The following CELF2 variants were observed in gnomAD, a reference collection of about 807,000 sequenced individuals.
CELF2 encodes the protein CUGBP Elav-like family member 2, also known as CUG triplet repeat RNA-binding protein 2.
A neutral mutation model predicts 62.6 loss-of-function variants in CELF2; 8 were observed. The observed-to-expected ratio is 0.13, with a 90% confidence interval of 0.07 to 0.23. The LOEUF (loss-of-function observed/expected upper bound fraction) is 0.23, where lower values mean the gene tolerates loss of function less well. Among genes scored for constraint, CELF2 ranks in the 10% least tolerant of loss-of-function variants. The probability of loss-of-function intolerance (pLI) is 1.00; values close to 1 mark genes in which losing one functional copy is unlikely to be tolerated. For synonymous variants in CELF2, 258 were observed against 250.0 expected (o/e 1.03, Z -0.30); for missense variants, 333 against 671.0 (o/e 0.50, Z 5.56).
At chr10:10,497,142 G>A in the CELF2 span, among the ~76,000 whole-genome samples, 1 of 150,264 alleles carries the variant, frequency 6.7e-6, no homozygotes, top group South Asian at 2.1e-4. Flanking sequence ...CCGAGATCGC[G>A]CCACTGCACT....
chr10:10,959,536 A>T lies in CELF2; in HGVS notation c.89+39537A>T, dbSNP rs964941698. ...TCCATGCATTTTCCAAGGGAGAATG[A>T]TAAGGTTTCAACTGGGTGACTTGTC... On this transcript the variant is annotated intron_variant, in intron 2 of 13. Transcript: ENST00000636488. Among the ~76,000 whole-genome samples the T allele has an allele frequency of 2.6e-5, 4 of 152,220 alleles. No individual in the cohort carries two copies. The East Asian group carries it at 5.8e-4, about 22-fold the overall frequency.
In CELF2 at chr10:11,237,342, G is replaced by A. The variant is rs757746332; in HGVS notation, c.355-11811G>A. On this transcript the variant is annotated intron_variant, in intron 3 of 12. Transcript: ENST00000633077. This position sits in a 1 kb window ranked among gnomAD's most constrained non-coding sequence, Gnocchi z 4.0. ...CCCGGGGTTGATGTCCCCATAAGCC[G>A]TGGTCTCTGTCCAGCTTCTCAAGTT... 1.2e-4 allele frequency among the ~76,000 whole-genome samples: 18 copies of A among 152,186 alleles called. No individual in the cohort carries two copies. The highest frequency in any genetic ancestry group is 2.0e-4 in the Admixed American group (3 of 15,276).
chr10:11,136,919 C>T (rs1197889374), intron 1 of CELF2, among the ~76,000 whole-genome samples: 1 of 152,190 alleles, frequency 6.6e-6, no homozygotes, highest in Non-Finnish European at 1.5e-5. Flanking sequence ...ATTCTGCTGA[C>T]TTAATATTAT....
the CELF2 span, among the ~76,000 whole-genome samples, chr10:10,490,984 C>A: frequency 4.6e-5 from 7 of 152,308 alleles, no homozygotes; most frequent in East Asian, 1.4e-3. Context: ...GAAGTTTTCA[C>A]TTAATTGGTT....
the CELF2 span, among the ~76,000 whole-genome samples, chr10:10,735,957 A>C: frequency 6.6e-6 from 1 of 152,208 alleles, no homozygotes; most frequent in East Asian, 1.9e-4. Flanking sequence ...GCCAGTGAAC[A>C]CATGCTCAAT....
chr10:11,021,263 A>G (rs1190953319), intron 1 of CELF2, among the ~76,000 whole-genome samples: 1 of 152,248 alleles, frequency 6.6e-6, no homozygotes, highest in Non-Finnish European at 1.5e-5. Flanking sequence ...GAGTCTACCA[A>G]TAAATTAAAA....
chr10:11,110,807 A>T lies in CELF2; in HGVS notation c.75-54679A>T, dbSNP rs192157278. 6.6e-6 allele frequency among the ~76,000 whole-genome samples: 1 copy of T among 152,142 alleles called. No individual in the cohort carries two copies. The highest frequency in any genetic ancestry group is 1.5e-5 in the Non-Finnish European group (1 of 68,018). On this transcript the variant is annotated intron_variant, in intron 1 of 12. Coordinates refer to ENST00000633077, the MANE Select transcript of CELF2 (RefSeq NM_001326342.2). The surrounding 1 kb of genome is among the most constrained non-coding windows in gnomAD (Gnocchi z 4.0). ...AGTTTCTGCTTGTCAAGGAACTGCA[A>T]CCCTGACCTTAACCACCACCTCATT...
At chr10:10,954,944 C>A (rs1006395441) in intron 2 of CELF2, among the ~76,000 whole-genome samples, 1 of 152,180 alleles carries the variant, frequency 6.6e-6, no homozygotes, top group Admixed American at 6.5e-5. Context: ...AAAGATAAAT[C>A]ATAATCCACA....
Position 10,931,988 on chromosome 10 carries a change from A to T in CELF2, c.89+11989A>T, listed in dbSNP as rs1307846130. ...CATGAGTCTTATTCACTATCATGAGAACAGCATGGGAAAGACCTGCCCCCA... is the reference window on the plus strand; with the variant it reads ...CATGAGTCTTATTCACTATCATGAGTACAGCATGGGAAAGACCTGCCCCCA... On this transcript the variant is annotated intron_variant, in intron 2 of 13. Coordinates refer to the CELF2 transcript ENST00000636488. The surrounding 1 kb of genome is among the most constrained non-coding windows in gnomAD (Gnocchi z 6.1). Among the ~76,000 whole-genome samples the T allele has an allele frequency of 1.3e-5, 2 of 152,138 alleles. No individual in the cohort carries two copies. The highest frequency in any genetic ancestry group is 3.8e-4 in the East Asian group (2 of 5,196).
the CELF2 span, among the ~76,000 whole-genome samples, chr10:10,616,879 C>T: frequency 2.0e-5 from 3 of 151,758 alleles, no homozygotes; most frequent in African/African-American, 4.9e-5. Context: ...TGCACCATTA[C>T]GCATGTAGCT....
Position 11,018,216 on chromosome 10 carries a change from T to G in CELF2, c.74+53T>G, listed in dbSNP as rs2057623496. ...GCGAGCGGGCGTCCTCCTCCCAGAG[T>G]CGGCGGCGCGAAGGGGACGGGCGTC... On this transcript the variant is annotated intron_variant, in intron 1 of 12. Coordinates refer to ENST00000633077, the MANE Select transcript of CELF2 (RefSeq NM_001326342.2). 11 of 1,453,058 alleles carry G rather than the reference T, an allele frequency of 7.6e-6. No individual in the cohort carries two copies. The South Asian group carries it at 1.2e-4, about 16-fold the overall frequency. The allele number at this position is 1,453,058 out of a possible 1,614,324, so 90.0% of individuals were successfully genotyped here.
chr10:10,830,824 G>C (rs1233967173), intron 1 of CELF2, among the ~76,000 whole-genome samples: 1 of 152,132 alleles, frequency 6.6e-6, no homozygotes, highest in Admixed American at 6.5e-5. Context: ...TGGTTGCCTA[G>C]CTGCAAAACA....
chr10:11,325,429 A>C (rs1392342865), intron 11 of CELF2, among the ~76,000 whole-genome samples: 1 of 152,238 alleles, frequency 6.6e-6, no homozygotes, highest in Non-Finnish European at 1.5e-5. Context: ...AATTTTTTAG[A>C]ATGCACAGAG....
chr10:10,587,611 GTTGT>G, the CELF2 span, among the ~76,000 whole-genome samples: 1 of 151,756 alleles, frequency 6.6e-6, no homozygotes, highest in African/African-American at 2.4e-5. Context: ...TCCTTTTTTT[GTTGT>G]TTGTTTGTAA....
At chr10:10,919,698 T>C (rs2064704652) in intron 1 of CELF2, among the ~76,000 whole-genome samples, 1 of 152,268 alleles carries the variant, frequency 6.6e-6, no homozygotes, top group African/African-American at 2.4e-5. Context: ...TACATTTTAA[T>C]GTTTTGAACT....
chr10:10,802,117 T>G (rs865938454), intron 1 of CELF2, among the ~76,000 whole-genome samples: 73 of 152,248 alleles, frequency 4.8e-4, no homozygotes, highest in Admixed American at 2.1e-3. Context: ...ATTCAAAAGC[T>G]AAATAAAGTA....
chr10:10,637,395 C>T, the CELF2 span, among the ~76,000 whole-genome samples: 1 of 152,278 alleles, frequency 6.6e-6, no homozygotes, highest in Middle Eastern at 3.4e-3. Context: ...ATTTGCTCTG[C>T]ACTATACTGT....
chr10:10,770,786 T>A, the CELF2 span, among the ~76,000 whole-genome samples: 2 of 152,348 alleles, frequency 1.3e-5, no homozygotes, highest in Middle Eastern at 3.4e-3. Context: ...CTAATCTGTT[T>A]AATTCATAAG....
chr10:11,053,512 G>T (rs898984707), intron 1 of CELF2, among the ~76,000 whole-genome samples: 6 of 150,618 alleles, frequency 4.0e-5, no homozygotes, highest in Non-Finnish European at 7.4e-5. Flanking sequence ...TAGGCTAAAA[G>T]AATTTTTTGC....
Sources: allele counts gnomAD v4.1 joint callset (sites outside exome capture counted in the v4.1 genomes callset), GRCh38; gene constraint gnomAD v4.1.1; non-coding constraint Gnocchi (gnomAD v3.1); transcripts MANE v1.5; gene names NCBI Gene and HGNC (gene_info 2026-07-23, HGNC 2026-07-21).